PTPRA: variants seen among roughly 807,000 people sequenced by gnomAD.
PTPRA encodes protein tyrosine phosphatase receptor type A.
A neutral mutation model predicts 104.8 loss-of-function variants in PTPRA; 25 were observed. That is an observed-to-expected ratio of 0.24 (90% CI 0.17 to 0.33). PTPRA has a LOEUF of 0.33. Among genes scored for constraint, PTPRA ranks in the 10% least tolerant of loss-of-function variants. The pLI, the probability that PTPRA is intolerant of heterozygous loss-of-function variation, is 1.00. For missense variants in PTPRA, 765 were observed against 1,015.3 expected (o/e 0.75, Z 3.35); for synonymous variants, 323 against 368.9 (o/e 0.88, Z 1.43).
chr20:2,980,099 A>T (rs917775556), intron 6 of PTPRA, among the ~76,000 whole-genome samples: 1 of 150,298 alleles, frequency 6.7e-6, no homozygotes, highest in Non-Finnish European at 1.5e-5. Flanking sequence ...TTTAGTAGAG[A>T]TGGGGTTTCT....
At chr20:2,908,665 G>C (rs2059514773) in intron 1 of PTPRA, among the ~76,000 whole-genome samples, 1 of 152,014 alleles carries the variant, frequency 6.6e-6, no homozygotes, top group Non-Finnish European at 1.5e-5. Flanking sequence ...GGCCAGGGTG[G>C]GAGGATTGCT....
intron 9 of PTPRA, among the ~76,000 whole-genome samples, chr20:2,998,936 T>C (rs2063515310): frequency 6.8e-6 from 1 of 147,304 alleles, no homozygotes; most frequent in South Asian, 2.1e-4. Context: ...TAATTTATTA[T>C]ATATGACATA....
At chr20:3,033,764 G>A (rs2065649543) in intron 20 of PTPRA, among the ~76,000 whole-genome samples, 1 of 151,928 alleles carries the variant, frequency 6.6e-6, no homozygotes, top group East Asian at 1.9e-4. Context: ...AGCGGGCATG[G>A]TGATGCATGC....
chr20:3,029,432 T>G (rs975234640), intron 20 of PTPRA, among the ~76,000 whole-genome samples: 2 of 151,992 alleles, frequency 1.3e-5, no homozygotes, highest in South Asian at 2.1e-4. Flanking sequence ...TGAACCACCT[T>G]GCCCGGCATT....
At chr20:2,864,703 G>A in the PTPRA span, 1 of 1,589,126 alleles carries the variant, frequency 6.3e-7, no homozygotes, top group Non-Finnish European at 8.6e-7. This position sits in a 1 kb window ranked among gnomAD's most constrained non-coding sequence, Gnocchi z 5.2. Flanking sequence ...GTGGGCTGGG[G>A]CTGTTGGTCC....
In PTPRA at chr20:3,035,598, A is replaced by G; in HGVS notation, c.1934A>G (p.Gln645Arg). 1 of 1,612,250 alleles carries G rather than the reference A, an allele frequency of 6.2e-7. No homozygotes were observed. Among genetic ancestry groups the G allele is most frequent in the Non-Finnish European group, 8.5e-7 (1 of 1,178,298 alleles). ...CTGTCTCTCCAGGAGAAGTGTGCCC[A>G]GTACTGGCCATCTGATGGACTGGTG... The part of the protein sequence containing the change: ...LEERGQEKCA[Q>R]YWPSDGLVSY... The change falls in exon 21 of 24, where the codon CAG (glutamine) becomes CGG (arginine). Residue 645 changes from glutamine to arginine, a missense_variant. Coordinates refer to ENST00000399903, the MANE Select transcript of PTPRA (RefSeq NM_001385305.1). This position sits in a 1 kb window ranked among gnomAD's most constrained non-coding sequence, Gnocchi z 5.8.
chr20:2,898,857 C>CA (rs894944170), intron 1 of PTPRA, among the ~76,000 whole-genome samples: 39 of 143,996 alleles, frequency 2.7e-4, no homozygotes, highest in East Asian at 2.0e-3. Flanking sequence ...GACTCCGTCT[C>CA]AAAAAAAAAA....
chr20:3,003,026 C>T (rs1336672802), intron 9 of PTPRA, among the ~76,000 whole-genome samples: 2 of 152,218 alleles, frequency 1.3e-5, no homozygotes, highest in South Asian at 2.1e-4. Context: ...TTTCTATACT[C>T]ATCCTTCCTC....
At chr20:2,957,748 T>C (rs1376568519) in intron 3 of PTPRA, among the ~76,000 whole-genome samples, 1 of 152,058 alleles carries the variant, frequency 6.6e-6, no homozygotes, top group African/African-American at 2.4e-5. Flanking sequence ...GTCCAATGGC[T>C]TTTATTTTCT....
chr20:2,948,046 T>A, intron 3 of PTPRA, 22 bp downstream of exon 3: 1 of 1,050,010 alleles, frequency 9.5e-7, no homozygotes, highest in Non-Finnish European at 1.3e-6. Flanking sequence ...AATAGTTTTT[T>A]AAGTTTTTTC....
At chr20:2,872,964 A>G (rs1177335483), upstream of PTPRA, among the ~76,000 whole-genome samples, 1 of 152,152 alleles carries the variant, frequency 6.6e-6, no homozygotes, top group Admixed American at 6.5e-5. The surrounding 1 kb of genome is among the most constrained non-coding windows in gnomAD (Gnocchi z 7.9). Flanking sequence ...CTGACTTGAT[A>G]TAAGACGACA....
chr20:2,965,304 A>C, intron 5 of PTPRA, 102 bp downstream of exon 5: 1 of 1,212,260 alleles, frequency 8.2e-7, no homozygotes, highest in South Asian at 1.6e-5. Flanking sequence ...CAAATAAGTA[A>C]AATTGCTCAA....
intron 2 of PTPRA, among the ~76,000 whole-genome samples, chr20:2,927,060 G>A (rs932352258): frequency 3.9e-5 from 6 of 151,918 alleles, no homozygotes; most frequent in Non-Finnish European, 4.4e-5. Context: ...CAAAGTGCTG[G>A]GATTACAGGC....
chr20:2,978,243 T>C (rs529971012), intron 6 of PTPRA, among the ~76,000 whole-genome samples: 1 of 152,180 alleles, frequency 6.6e-6, no homozygotes, highest in East Asian at 1.9e-4. Context: ...TTAGGGGAGA[T>C]AGATGGACAA....
chr20:2,920,755 A>G (rs537655775), intron 1 of PTPRA, among the ~76,000 whole-genome samples: 6 of 151,092 alleles, frequency 4.0e-5, no homozygotes, highest in Non-Finnish European at 8.9e-5. Flanking sequence ...AGTATGAACT[A>G]TTGAGAATAT....
intron 9 of PTPRA, among the ~76,000 whole-genome samples, chr20:2,999,998 TA>T (rs1184634594): frequency 1.3e-5 from 2 of 151,868 alleles, no homozygotes; most frequent in East Asian, 3.9e-4. Flanking sequence ...GTTAAGAAAA[TA>T]AGTAGGCTGG....
chr20:2,924,993 A>G (rs990352067), intron 2 of PTPRA, among the ~76,000 whole-genome samples: 1 of 152,144 alleles, frequency 6.6e-6, no homozygotes, highest in Non-Finnish European at 1.5e-5. Context: ...AAGGTTTTAC[A>G]TCTTAATGTG....
intron 20 of PTPRA, among the ~76,000 whole-genome samples, chr20:3,031,864 G>A (rs73585958): frequency 0.022 from 3,420 of 152,082 alleles, 125 homozygotes; most frequent in African/African-American, 0.076. Context: ...ATTCCCTCAT[G>A]CTTTCTTACT....
chr20:3,016,025 C>A, intron 12 of PTPRA, 140 bp downstream of exon 12: 1 of 802,502 alleles, frequency 1.2e-6, no homozygotes, highest in Non-Finnish European at 2.0e-6. Context: ...GAATTATAAT[C>A]CATTATACAG....
Sources: gnomAD v4.1 joint callset for allele counts (sites outside exome capture counted in the v4.1 genomes callset) on GRCh38, gnomAD v4.1.1 for gene constraint, Gnocchi (gnomAD v3.1) non-coding constraint, MANE v1.5 for transcripts, NCBI Gene and HGNC (gene_info 2026-07-23, HGNC 2026-07-21) for gene names.